FBRSL1: variants seen among roughly 807,000 people sequenced by gnomAD.
FBRSL1 encodes the protein fibrosin-1-like protein.
Under a neutral mutation model 89.6 loss-of-function variants are expected in FBRSL1, and 51 were observed. The observed-to-expected ratio is 0.57, with a 90% CI of 0.45 to 0.72. The LOEUF is 0.72. Ranked by LOEUF, FBRSL1 falls within the 30% of genes least tolerant of loss-of-function variation. The pLI, the probability that FBRSL1 is intolerant of heterozygous loss-of-function variation, is 0.00. For missense variants in FBRSL1, 1,618 were observed against 1,451.8 expected, an observed-to-expected ratio of 1.11 and a Z score of -1.86; for synonymous variants, 779 against 681.1, an observed-to-expected ratio of 1.14 and a Z score of -2.24.
chr12:132,529,263 G>A (rs2036054673), intron 4 of FBRSL1, among the ~76,000 whole-genome samples: 1 of 152,222 alleles, frequency 6.6e-6, no homozygotes, highest in African/African-American at 2.4e-5. Flanking sequence ...GGCCAGAGGG[G>A]ACACAGCCTG....
Position 132,570,429 on chromosome 12 carries a change from C to CACG in FBRSL1, c.1102_1103insACG (p.Arg368delinsHisGly). 6.5e-7 allele frequency: 1 copy of CACG among 1,534,960 alleles called. No individual in the cohort carries two copies. Among genetic ancestry groups the CACG allele is most frequent in the Non-Finnish European group, 8.7e-7 (1 of 1,145,804 alleles). On this transcript the variant is annotated protein_altering_variant, in exon 8 of 19. Coordinates refer to ENST00000680143, the MANE Select transcript of FBRSL1 (RefSeq NM_001367871.1). ...CCTGTCTACCTCACACCTGGCGCTC[C>CACG]GGTCCCAGGCGCAGCACCAGCTCCA...
chr12:132,523,567 C>T (rs545697128), intron 2 of FBRSL1, among the ~76,000 whole-genome samples: 3 of 152,236 alleles, frequency 2.0e-5, no homozygotes, highest in South Asian at 2.1e-4. Context: ...TGGGTGTTTC[C>T]GACCCACCTC....
At chr12:132,503,816 C>T (rs553451709) in intron 1 of FBRSL1, among the ~76,000 whole-genome samples, 3 of 152,186 alleles carry the variant, frequency 2.0e-5, no homozygotes, top group African/African-American at 4.8e-5. Context: ...GGCTTTGGGC[C>T]TGAGCTCTTG....
intron 5 of FBRSL1, among the ~76,000 whole-genome samples, chr12:132,550,311 C>G (rs1437683428): frequency 6.9e-6 from 1 of 145,724 alleles, no homozygotes; most frequent in Non-Finnish European, 1.5e-5. Context: ...GCAGAGAGGC[C>G]TGGCGGGGCG....
chr12:132,577,066 T>A, intron 15 of FBRSL1, 135 bp downstream of exon 15: 1 of 1,249,022 alleles, frequency 8.0e-7, no homozygotes, highest in Non-Finnish European at 1.1e-6. Flanking sequence ...TGCTCACCAC[T>A]TATTCAGGTC....
chr12:132,536,164 C>CAG (rs10676965), intron 4 of FBRSL1, among the ~76,000 whole-genome samples: 113,532 of 149,676 alleles, frequency 0.76, 43,491 homozygotes, highest in African/African-American at 0.91. Context: ...GTGTGCATGA[C>CAG]TGTGTACACG....
At chr12:132,581,576 G>A (rs545112333) in intron 16 of FBRSL1, 60 bp downstream of exon 16, 2 of 1,536,720 alleles carry the variant, frequency 1.3e-6, no homozygotes, top group South Asian at 1.2e-5. Context: ...CCTTGTGGCG[G>A]GGGAATTAGG....
chr12:132,541,110 A>G (rs1460795259), intron 4 of FBRSL1, among the ~76,000 whole-genome samples: 4 of 147,892 alleles, frequency 2.7e-5, no homozygotes, highest in Non-Finnish European at 4.4e-5. Context: ...ACAGCCTCCC[A>G]CCACATCCCT....
At chr12:132,581,084 C>G (rs1002085424) in intron 15 of FBRSL1, 1 of 985,352 alleles carries the variant, frequency 1.0e-6, no homozygotes, top group African/African-American at 1.7e-5. Flanking sequence ...GGTGAAAGCT[C>G]TGAGATAAAG....
chr12:132,550,045 C>T (rs7299956), intron 5 of FBRSL1, among the ~76,000 whole-genome samples: 98 of 151,342 alleles, frequency 6.5e-4, no homozygotes, highest in Admixed American at 6.4e-3. Flanking sequence ...CCCGGCAGGG[C>T]GAGTTTGGCA....
At chr12:132,566,550 T>TCTCGCCTTGACAGGCCCACAG (rs2039638556) in intron 5 of FBRSL1, 1 of 23,390 alleles carries the variant, frequency 4.3e-5, no homozygotes, top group Non-Finnish European at 6.5e-5. Flanking sequence ...AGCGGCCACA[T>TCTCGCCTTGACAGGCCCACAG]TCTCGCCACC....
At chr12:132,524,171 A>G (rs574882194) in intron 2 of FBRSL1, among the ~76,000 whole-genome samples, 6 of 152,350 alleles carry the variant, frequency 3.9e-5, no homozygotes, top group East Asian at 3.9e-4. Context: ...CCGAGGCCAC[A>G]GTGCCAGGAA....
intron 5 of FBRSL1, chr12:132,565,607 G>A (rs989355593): frequency 1.3e-5 from 2 of 152,006 alleles, no homozygotes; most frequent in Admixed American, 1.3e-4. Context: ...GTGCCTGTGT[G>A]TACGTACTTG....
At chr12:132,572,213 C>T in intron 9 of FBRSL1, 75 bp from the exon 10 acceptor site, 1 of 1,400,998 alleles carries the variant, frequency 7.1e-7, no homozygotes, top group East Asian at 2.5e-5. Flanking sequence ...CCCAGCCCGG[C>T]CAGGTGGGCG....
chr12:132,508,306 G>A lies in FBRSL1; in HGVS notation c.445G>A (p.Ala149Thr), dbSNP rs1356075937. 26 of 1,547,902 alleles carry A rather than the reference G, an allele frequency of 1.7e-5. No homozygotes were observed. Among genetic ancestry groups the A allele is most frequent in the African/African-American group, 5.5e-5 (4 of 72,994 alleles). The change falls in exon 2 of 19, where the codon GCC becomes ACC. Residue 149 changes from alanine (A) to threonine (T), a missense_variant. By Grantham distance (58) the Ala-to-Thr change is moderately conservative (BLOSUM62 0). Transcript: ENST00000680143. ...CAGCCCCGGGCAGGACCTCGAACCC[G>A]CCTGCGATGGGGCGAGAAAGGTCCC... Reference protein sequence around the residue: ...AGSPGQDLEPACDGARKVPLQ... With the variant: ...AGSPGQDLEPTCDGARKVPLQ...
intron 4 of FBRSL1, among the ~76,000 whole-genome samples, chr12:132,538,059 C>T (rs2036911600): frequency 6.6e-6 from 1 of 152,136 alleles, no homozygotes; most frequent in African/African-American, 2.4e-5. Context: ...ACGGGCTCAC[C>T]CAGATCCCTG....
chr12:132,565,485 G>A (rs938842252), intron 5 of FBRSL1: 10 of 152,236 alleles, frequency 6.6e-5, no homozygotes, highest in Non-Finnish European at 1.2e-4. Flanking sequence ...GTGTGCCCAC[G>A]TACACGTACC....
chr12:132,580,398 G>A (rs780637691), intron 15 of FBRSL1, among the ~76,000 whole-genome samples: 1 of 151,080 alleles, frequency 6.6e-6, no homozygotes, highest in Non-Finnish European at 1.5e-5. Flanking sequence ...AATTTCACCA[G>A]TATTTTTAAA....
intron 9 of FBRSL1, chr12:132,571,539 G>A (rs1175910268): frequency 1.6e-5 from 23 of 1,462,028 alleles, no homozygotes; most frequent in East Asian, 2.8e-5. Flanking sequence ...GTAGGCCCGC[G>A]TGCTGGCAGG....
Sources: allele counts gnomAD v4.1 joint callset (sites outside exome capture counted in the v4.1 genomes callset), GRCh38; gene constraint gnomAD v4.1.1; transcripts MANE v1.5; gene names NCBI Gene and HGNC (gene_info 2026-07-23, HGNC 2026-07-21).